The following GPATCH2 variants were observed in gnomAD, a reference collection of about 807,000 sequenced individuals.
GPATCH2 encodes G patch domain-containing protein 2.
GPATCH2 carries 51 observed loss-of-function variants against 58.0 expected under a neutral mutation model. The ratio of observed to expected loss-of-function variants is 0.88; its 90% CI spans 0.70 to 1.11. GPATCH2 has a LOEUF of 1.11. Among genes scored for constraint, GPATCH2 ranks in the 50% most tolerant of loss-of-function variants. The probability of loss-of-function intolerance (pLI) is 0.00; values close to 1 mark genes in which losing one functional copy is unlikely to be tolerated. For missense variants in GPATCH2, 625 were observed against 652.2 expected, an observed-to-expected ratio of 0.96 and a Z score of 0.45; for synonymous variants, 222 against 218.5, an observed-to-expected ratio of 1.02 and a Z score of -0.14.
At chr1:217,514,223 G>C (rs1663010131) in intron 6 of GPATCH2, among the ~76,000 whole-genome samples, 1 of 151,720 alleles carries the variant, frequency 6.6e-6, no homozygotes, top group South Asian at 2.1e-4. Flanking sequence ...GCAGTGGCAT[G>C]ATCTCAGCTC....
chr1:217,601,963 G>A (rs1037696924), intron 5 of GPATCH2, among the ~76,000 whole-genome samples: 1 of 152,230 alleles, frequency 6.6e-6, no homozygotes, highest in South Asian at 2.1e-4. Flanking sequence ...TGTTAAACGA[G>A]TGGATGTCAT....
rs368573904 is a variant in GPATCH2 at position 217,579,319 on chromosome 1, G to A, written c.1098+31002C>T. 1.8e-4 allele frequency among the ~76,000 whole-genome samples: 28 copies of A among 151,566 alleles called. No individual in the cohort carries two copies. In the East Asian group the frequency reaches 4.7e-3, roughly 25 times the overall value. On this transcript the variant is annotated intron_variant, in intron 5 of 9. Coordinates refer to ENST00000366935, the MANE Select transcript of GPATCH2 (RefSeq NM_018040.5). ...AGGTTTGCAATGGCAATTCATTAAA[G>A]AGAGTAATCACACTAATCAAGAAAA...
chr1:217,508,146 C>T (rs1405201921), intron 6 of GPATCH2, among the ~76,000 whole-genome samples: 1 of 152,058 alleles, frequency 6.6e-6, no homozygotes, highest in Non-Finnish European at 1.5e-5. Flanking sequence ...AGCTAAATGA[C>T]TCACCCATGG....
intron 2 of GPATCH2, among the ~76,000 whole-genome samples, chr1:217,618,605 G>T (rs1336955231): frequency 6.6e-6 from 1 of 151,466 alleles, no homozygotes; most frequent in African/African-American, 2.4e-5. Context: ...CTTTTACCAG[G>T]TCCCACTCAT....
intron 8 of GPATCH2, among the ~76,000 whole-genome samples, chr1:217,487,425 C>CTT (rs556623228): frequency 1.1e-4 from 15 of 137,246 alleles, no homozygotes; most frequent in South Asian, 2.3e-4. Context: ...AAGAGTACTT[C>CTT]TTTTTTTTTT....
intron 5 of GPATCH2, among the ~76,000 whole-genome samples, chr1:217,581,015 C>CAAAA (rs761336891): frequency 2.3e-4 from 6 of 26,234 alleles, no homozygotes; most frequent in Non-Finnish European, 3.6e-4. Context: ...GACTCCGTCT[C>CAAAA]AAAAAAAAAA....
Position 217,501,877 on chromosome 1 carries a change from G to A in GPATCH2, c.1167-3482C>T, listed in dbSNP as rs115760650. 3.3e-3 allele frequency among the ~76,000 whole-genome samples: 495 copies of A among 152,054 alleles called. 1 individual carries two copies. Among genetic ancestry groups the A allele is most frequent in the African/African-American group, 0.011 (456 of 41,498 alleles). ...TAGTCTTTTGCTAGATATGTGGTTTGCAAATATTTTCTCTCAGTGTGTAGC... is the reference window on the plus strand; with the variant it reads ...TAGTCTTTTGCTAGATATGTGGTTTACAAATATTTTCTCTCAGTGTGTAGC... On this transcript the variant is annotated intron_variant, in intron 6 of 9. Transcript: ENST00000366935.
In GPATCH2 at chr1:217,431,143, T is replaced by A; in HGVS notation, c.*2A>T. 1 of 1,366,980 alleles carries A rather than the reference T, an allele frequency of 7.3e-7. No individual in the cohort carries two copies. The highest frequency in any genetic ancestry group is 2.3e-5 in the East Asian group (1 of 43,790). 84.7% of individuals were successfully genotyped at this position (1,366,980 alleles called of 1,614,324 possible). A position where few individuals can be genotyped will look rare whatever the true frequency, so the allele number is the denominator to read the frequency against. On this transcript the variant is annotated 3_prime_UTR_variant, in exon 10 of 10. Transcript: ENST00000366935. The stretch of plus-strand genomic sequence containing the variant: ...CTGTAAAACATTTCTTCTTTGCTTT[T>A]CTTAGGCGGATTTTCCTGCATTGGG...
intron 5 of GPATCH2, among the ~76,000 whole-genome samples, chr1:217,526,379 TAA>T (rs1353687419): frequency 6.6e-6 from 1 of 152,108 alleles, no homozygotes; most frequent in Non-Finnish European, 1.5e-5. Flanking sequence ...TTAATTGCAC[TAA>T]AAATTTCCAT....
intron 6 of GPATCH2, among the ~76,000 whole-genome samples, chr1:217,499,774 C>T (rs572892029): frequency 1.2e-3 from 181 of 149,916 alleles, no homozygotes; most frequent in African/African-American, 4.1e-3. Context: ...TTTTCTTAAA[C>T]GCATTCGCAC....
intron 5 of GPATCH2, among the ~76,000 whole-genome samples, chr1:217,561,989 G>A (rs1162467808): frequency 6.6e-6 from 1 of 152,146 alleles, no homozygotes; most frequent in African/African-American, 2.4e-5. Flanking sequence ...CTTCAATCAG[G>A]CATGCCAAGT....
intron 9 of GPATCH2, among the ~76,000 whole-genome samples, chr1:217,440,920 T>C (rs774236181): frequency 6.6e-6 from 1 of 152,062 alleles, no homozygotes; most frequent in African/African-American, 2.4e-5. Flanking sequence ...ATTGTGAAAA[T>C]GGCCACGCTG....
intron 5 of GPATCH2, among the ~76,000 whole-genome samples, chr1:217,546,666 C>G (rs1323498678): frequency 6.6e-6 from 1 of 152,122 alleles, no homozygotes; most frequent in Non-Finnish European, 1.5e-5. Flanking sequence ...ACAACCTAAG[C>G]AATACTATTC....
intron 8 of GPATCH2, among the ~76,000 whole-genome samples, chr1:217,454,389 A>G (rs1049204276): frequency 3.9e-5 from 6 of 151,908 alleles, no homozygotes; most frequent in Non-Finnish European, 8.8e-5. Context: ...GGAAATCGAG[A>G]CCATCCTGGC....
chr1:217,588,826 T>C (rs1254799289), intron 5 of GPATCH2, among the ~76,000 whole-genome samples: 1 of 152,156 alleles, frequency 6.6e-6, no homozygotes, highest in African/African-American at 2.4e-5. Flanking sequence ...CCAAGGGAGA[T>C]AACAATTTCA....
chr1:217,499,206 G>A (rs1662171426), intron 6 of GPATCH2, among the ~76,000 whole-genome samples: 1 of 151,992 alleles, frequency 6.6e-6, no homozygotes, highest in African/African-American at 2.4e-5. Context: ...ACGATCACAG[G>A]GAATGATACT....
chr1:217,602,061 A>G (rs1325311071), intron 5 of GPATCH2, among the ~76,000 whole-genome samples: 1 of 152,140 alleles, frequency 6.6e-6, no homozygotes, highest in African/African-American at 2.4e-5. Context: ...ATAGGCATGG[A>G]TCTTAGCCTC....
At chr1:217,508,946 G>A (rs944198620) in intron 6 of GPATCH2, among the ~76,000 whole-genome samples, 1 of 152,064 alleles carries the variant, frequency 6.6e-6, no homozygotes, top group Non-Finnish European at 1.5e-5. Flanking sequence ...ATTACTAGAT[G>A]TTATTTAAGA....
At chr1:217,466,484 C>G (rs1398082412) in intron 8 of GPATCH2, among the ~76,000 whole-genome samples, 1 of 152,044 alleles carries the variant, frequency 6.6e-6, no homozygotes, top group Non-Finnish European at 1.5e-5. Context: ...CTCTGCCTCC[C>G]TAAGTGCCGG....
Sources: gnomAD v4.1 joint callset for allele counts (sites outside exome capture counted in the v4.1 genomes callset) on GRCh38, gnomAD v4.1.1 for gene constraint, MANE v1.5 for transcripts, NCBI Gene and HGNC (gene_info 2026-07-23, HGNC 2026-07-21) for gene names.